Variants in SCUBE1 observed in about 807,000 individuals in gnomAD.
The protein encoded by SCUBE1 is signal peptide, CUB domain and EGF like domain containing 1.
A neutral mutation model predicts 124.4 loss-of-function variants in SCUBE1; 59 were observed. That is an observed-to-expected ratio of 0.47 (90% CI 0.38 to 0.59). The LOEUF (loss-of-function observed/expected upper bound fraction) is 0.59. SCUBE1 is among the 20% of genes least tolerant of loss of function. The pLI, the probability that SCUBE1 is intolerant of heterozygous loss-of-function variation, is 0.00. For missense variants in SCUBE1, 1,150 were observed against 1,371.2 expected (o/e 0.84, Z 2.55); for synonymous variants, 545 against 550.9 (o/e 0.99, Z 0.15).
chr22:43,207,630 CA>C lies in SCUBE1; in HGVS notation c.2735-18del, dbSNP rs1921345828. Reference sequence around the variant, plus strand: ...GGTAGTCCTCTGGGCAGCGGGTCAGCAGGGGGAGAGGAAGGCGAGGGGCTTG... The same window carrying C: ...GGTAGTCCTCTGGGCAGCGGGTCAGCGGGGGAGAGGAAGGCGAGGGGCTTG... On this transcript the variant is annotated intron_variant, in intron 20 of 21. Transcript: ENST00000360835. 6.2e-7 allele frequency: 1 copy of C among 1,608,906 alleles called. No individual in the cohort carries two copies. Among genetic ancestry groups the C allele is most frequent in the East Asian group, 2.2e-5 (1 of 44,844 alleles).
At chr22:43,336,918 A>G (rs1446761131) in intron 2 of SCUBE1, among the ~76,000 whole-genome samples, 1 of 151,906 alleles carries the variant, frequency 6.6e-6, no homozygotes, top group African/African-American at 2.4e-5. Context: ...ACATAGAGCA[A>G]CCAAGTGTGT....
At chr22:43,279,513 C>T (rs1023444081) in intron 4 of SCUBE1, among the ~76,000 whole-genome samples, 1 of 152,262 alleles carries the variant, frequency 6.6e-6, no homozygotes, top group African/African-American at 2.4e-5. Flanking sequence ...CAGCCCTCAC[C>T]AGACAGTGAA....
At chr22:43,221,096 T>G (rs906590057) in intron 13 of SCUBE1, 77 bp downstream of exon 13, 15 of 1,174,588 alleles carry the variant, frequency 1.3e-5, no homozygotes, top group Non-Finnish European at 1.6e-5. Flanking sequence ...CGCTGGACCC[T>G]GGGGCCCCAG....
intron 3 of SCUBE1, among the ~76,000 whole-genome samples, chr22:43,297,778 A>G (rs968862213): frequency 1.3e-5 from 2 of 152,212 alleles, no homozygotes. Flanking sequence ...TAACAACTAA[A>G]AATTACTTCT....
intron 6 of SCUBE1, among the ~76,000 whole-genome samples, chr22:43,257,651 G>A (rs1321586738): frequency 1.3e-5 from 2 of 152,192 alleles, no homozygotes; most frequent in African/African-American, 4.8e-5. Context: ...GAGACCAGCA[G>A]TGAAAACACC....
intron 4 of SCUBE1, among the ~76,000 whole-genome samples, chr22:43,269,264 G>A (rs1006822622): frequency 4.6e-5 from 7 of 152,216 alleles, no homozygotes; most frequent in African/African-American, 1.4e-4. Flanking sequence ...TTCCCCACCG[G>A]GGCCTATCTT....
chr22:43,248,971 G>C (rs11705077), intron 6 of SCUBE1, among the ~76,000 whole-genome samples: 12,922 of 152,218 alleles, frequency 0.085, 669 homozygotes, highest in Non-Finnish European at 0.12. Flanking sequence ...GTGCCCTGAG[G>C]GGGGGCACCA....
intron 3 of SCUBE1, among the ~76,000 whole-genome samples, chr22:43,308,696 C>T (rs1032648241): frequency 5.9e-5 from 9 of 152,214 alleles, no homozygotes; most frequent in African/African-American, 1.4e-4. Context: ...GGGCACTCGC[C>T]GGTGACTTCC....
intron 4 of SCUBE1, among the ~76,000 whole-genome samples, chr22:43,276,528 A>G (rs1455403208): frequency 6.6e-6 from 1 of 152,168 alleles, no homozygotes; most frequent in Non-Finnish European, 1.5e-5. Context: ...GTCACAACCC[A>G]ATTTCCCTAA....
intron 6 of SCUBE1, among the ~76,000 whole-genome samples, chr22:43,245,558 G>A (rs1923176543): frequency 6.6e-6 from 1 of 152,148 alleles, no homozygotes; most frequent in African/African-American, 2.4e-5. Context: ...CACCCCGGCA[G>A]GCTCCTCCAG....
chr22:43,218,812 G>C (rs1226836793), intron 14 of SCUBE1, among the ~76,000 whole-genome samples: 1 of 152,214 alleles, frequency 6.6e-6, no homozygotes, highest in Non-Finnish European at 1.5e-5. Flanking sequence ...CCAGCTCTCT[G>C]GCCTTGAATC....
intron 1 of SCUBE1, among the ~76,000 whole-genome samples, chr22:43,339,731 CCCCACAAGCA>C: frequency 2.3e-5 from 3 of 128,090 alleles, no homozygotes; most frequent in Non-Finnish European, 5.1e-5. Context: ...TCATTCTACC[CCCCACAAGCA>C]TAGCTCCAAC....
At chr22:43,289,136 C>G (rs1369673439) in intron 4 of SCUBE1, among the ~76,000 whole-genome samples, 4 of 152,234 alleles carry the variant, frequency 2.6e-5, no homozygotes, top group African/African-American at 9.6e-5. Flanking sequence ...AAAGGAGGCT[C>G]ACGCCACCCT....
chr22:43,227,576 A>T (rs1044811556), intron 9 of SCUBE1, 80 bp from the exon 10 acceptor site: 33 of 1,560,188 alleles, frequency 2.1e-5, no homozygotes, highest in Non-Finnish European at 2.9e-5. Flanking sequence ...CCAGGGCAAG[A>T]GGGCAAGAAT....
At chr22:43,330,364 A>G (rs955653952) in intron 2 of SCUBE1, among the ~76,000 whole-genome samples, 1 of 152,226 alleles carries the variant, frequency 6.6e-6, no homozygotes, top group Non-Finnish European at 1.5e-5. Flanking sequence ...CCTAGCCCAG[A>G]GGACACCTCC....
chr22:43,284,734 G>A (rs1281133408), intron 4 of SCUBE1, among the ~76,000 whole-genome samples: 2 of 151,894 alleles, frequency 1.3e-5, no homozygotes, highest in Non-Finnish European at 2.9e-5. Context: ...GCATGCATTG[G>A]ATGCAGCTCT....
At chr22:43,340,645 G>A (rs568921738) in intron 1 of SCUBE1, among the ~76,000 whole-genome samples, 1 of 152,002 alleles carries the variant, frequency 6.6e-6, no homozygotes, top group African/African-American at 2.4e-5. Flanking sequence ...ATGAGGCCCA[G>A]TGAGGTGAAA....
chr22:43,300,564 TC>T (rs1925733784), intron 3 of SCUBE1, among the ~76,000 whole-genome samples: 1 of 152,122 alleles, frequency 6.6e-6, no homozygotes, highest in East Asian at 1.9e-4. Flanking sequence ...TCTATTCAGG[TC>T]CTTTGCCTAT....
At chr22:43,218,506 G>C in intron 14 of SCUBE1, 48 bp from the exon 15 acceptor site, 1 of 1,588,888 alleles carries the variant, frequency 6.3e-7, no homozygotes, top group Non-Finnish European at 8.5e-7. Flanking sequence ...AACCTTGCTA[G>C]CCGCTGCCTT....
Sources: gnomAD v4.1 joint callset for allele counts (sites outside exome capture counted in the v4.1 genomes callset) on GRCh38, gnomAD v4.1.1 for gene constraint, MANE v1.5 for transcripts, NCBI Gene and HGNC (gene_info 2026-07-23, HGNC 2026-07-21) for gene names.